The following GRM7 variants were observed in gnomAD, a reference collection of about 807,000 sequenced individuals.
GRM7 encodes the protein metabotropic glutamate receptor 7.
A neutral mutation model predicts 84.5 loss-of-function variants in GRM7; 35 were observed. That is an observed-to-expected ratio of 0.41 (90% CI 0.32 to 0.55). The LOEUF (loss-of-function observed/expected upper bound fraction) is 0.55. GRM7 is among the 20% of genes least tolerant of loss of function. The pLI, the probability that GRM7 is intolerant of heterozygous loss-of-function variation, is 0.19. For missense variants in GRM7, 1,003 were observed against 1,194.6 expected (o/e 0.84, Z 2.36); for synonymous variants, 487 against 455.1 (o/e 1.07, Z -0.89).
At chr3:7,240,400 A>G (rs187422945) in intron 2 of GRM7, among the ~76,000 whole-genome samples, 13 of 151,848 alleles carry the variant, frequency 8.6e-5, no homozygotes, top group Admixed American at 5.9e-4. Context: ...AAACATGTCT[A>G]TTGGGCATAA....
chr3:6,960,797 T>C (rs1693268056), intron 1 of GRM7, among the ~76,000 whole-genome samples: 1 of 152,158 alleles, frequency 6.6e-6, no homozygotes, highest in Admixed American at 6.5e-5. Flanking sequence ...CTTTTTCTGC[T>C]CCTTCTACCT....
intron 9 of GRM7, among the ~76,000 whole-genome samples, chr3:7,726,776 T>C (rs1283496158): frequency 6.7e-6 from 1 of 149,860 alleles, no homozygotes; most frequent in Non-Finnish European, 1.5e-5. Flanking sequence ...AAAACCTCAA[T>C]ATCATTTCTC....
At chr3:6,948,304 T>C (rs934887498) in intron 1 of GRM7, among the ~76,000 whole-genome samples, 91 of 152,296 alleles carry the variant, frequency 6.0e-4, no homozygotes, top group African/African-American at 2.1e-3. Flanking sequence ...GCCTTCATTT[T>C]GTTATGTACC....
intron 8 of GRM7, among the ~76,000 whole-genome samples, chr3:7,583,738 C>T (rs1352766697): frequency 6.6e-6 from 1 of 152,192 alleles, no homozygotes; most frequent in Non-Finnish European, 1.5e-5. Flanking sequence ...TGCCATACAG[C>T]AAGGAGCAGC....
intron 7 of GRM7, among the ~76,000 whole-genome samples, chr3:7,567,047 A>G (rs1403782938): frequency 6.6e-6 from 1 of 152,206 alleles, no homozygotes; most frequent in Non-Finnish European, 1.5e-5. Context: ...TCCGTTCTTG[A>G]TGTATAATTT....
rs763847673 is a variant in GRM7 at position 7,579,117 on chromosome 3, A to G, written c.2211A>G (p.Thr737=). The G allele has an allele frequency of 6.2e-7, 1 of 1,613,940 alleles. No individual in the cohort carries two copies. Among genetic ancestry groups the G allele is most frequent in the South Asian group, 1.1e-5 (1 of 91,070 alleles). The part of the protein sequence containing the change: ...NIIIDYDEHK[T]MNPEQARGVL... ...TCATAGACTATGATGAACACAAGAC[A>G]ATGAACCCTGAGCAAGCCAGAGGGG... Residue 737 remains threonine (T), a synonymous_variant, in exon 8 of 10, where the codon ACA becomes ACG. Coordinates refer to ENST00000357716, the MANE Select transcript of GRM7 (RefSeq NM_000844.4).
chr3:7,525,268 TA>T lies in GRM7; in HGVS notation c.1516-53152del, dbSNP rs547681842. Reference sequence around the variant, plus strand: ...TACCCTAAAACTTAAAGTATAATAATAATAAAATAAAAAAATCTGTGGTACA... The same window carrying T: ...TACCCTAAAACTTAAAGTATAATAATATAAAATAAAAAAATCTGTGGTACA... On this transcript the variant is annotated intron_variant, in intron 7 of 9. Transcript: ENST00000357716. 1.7e-3 allele frequency among the ~76,000 whole-genome samples: 256 copies of T among 152,050 alleles called. 8 individuals carry two copies. The highest frequency in any genetic ancestry group is 0.016 in the Admixed American group (251 of 15,250).
chr3:7,668,843 T>C (rs1265265116), intron 8 of GRM7, among the ~76,000 whole-genome samples: 1 of 152,268 alleles, frequency 6.6e-6, no homozygotes, highest in East Asian at 1.9e-4. Context: ...TTGAACTTGT[T>C]TCTTGCTCCA....
chr3:6,961,892 C>G (rs1693313519), intron 1 of GRM7, among the ~76,000 whole-genome samples: 1 of 152,106 alleles, frequency 6.6e-6, no homozygotes, highest in African/African-American at 2.4e-5. Context: ...AAACATACTA[C>G]ACTACACCAT....
intron 1 of GRM7, among the ~76,000 whole-genome samples, chr3:7,078,373 T>C (rs185228493): frequency 6.6e-6 from 1 of 150,868 alleles, no homozygotes; most frequent in East Asian, 1.9e-4. Context: ...TTGCGTATCA[T>C]AGTTGGAGAA....
intron 8 of GRM7, among the ~76,000 whole-genome samples, chr3:7,583,990 G>A (rs75863828): frequency 7.2e-5 from 11 of 152,228 alleles, no homozygotes; most frequent in East Asian, 1.9e-4. Context: ...GATAGTTGTC[G>A]CACAAAGAAT....
intron 1 of GRM7, among the ~76,000 whole-genome samples, chr3:6,997,250 T>C (rs1275479365): frequency 6.6e-6 from 1 of 152,164 alleles, no homozygotes; most frequent in East Asian, 1.9e-4. Flanking sequence ...TCTAAAGTGA[T>C]AATTTATTTT....
chr3:7,001,256 A>G (rs1169595460), intron 1 of GRM7, among the ~76,000 whole-genome samples: 1 of 152,172 alleles, frequency 6.6e-6, no homozygotes, highest in Non-Finnish European at 1.5e-5. Flanking sequence ...AGGCTGAGGC[A>G]GGAGGACCAC....
intron 1 of GRM7, among the ~76,000 whole-genome samples, chr3:6,927,449 GAA>G (rs1697336880): frequency 3.2e-5 from 2 of 63,108 alleles, no homozygotes; most frequent in Admixed American, 3.5e-4. Flanking sequence ...AGAAAGAGAA[GAA>G]AGAAAGAGAG....
chr3:7,213,353 C>T (rs1014893912), intron 2 of GRM7, among the ~76,000 whole-genome samples: 1 of 152,078 alleles, frequency 6.6e-6, no homozygotes, highest in Admixed American at 6.6e-5. Context: ...TCATTTATCT[C>T]ATAATAAGAT....
intron 7 of GRM7, among the ~76,000 whole-genome samples, chr3:7,521,376 G>A (rs774608889): frequency 6.6e-6 from 1 of 152,188 alleles, no homozygotes; most frequent in African/African-American, 2.4e-5. Context: ...TAGAAGGTGA[G>A]GCCTTTGGCC....
intron 2 of GRM7, among the ~76,000 whole-genome samples, chr3:7,186,242 T>C (rs1202336604): frequency 6.6e-6 from 1 of 152,264 alleles, no homozygotes; most frequent in African/African-American, 2.4e-5. Context: ...CGTGTATTTT[T>C]TCTTTTGGTT....
At chr3:7,270,278 C>T (rs1011377927) in intron 2 of GRM7, among the ~76,000 whole-genome samples, 2 of 152,020 alleles carry the variant, frequency 1.3e-5, no homozygotes, top group Non-Finnish European at 2.9e-5. Context: ...TTAACACTTA[C>T]ATGTTTGATG....
intron 1 of GRM7, among the ~76,000 whole-genome samples, chr3:6,878,747 T>A (rs1032384505): frequency 3.3e-5 from 5 of 152,126 alleles, no homozygotes; most frequent in African/African-American, 9.7e-5. Context: ...GAAACTATAT[T>A]TTTCTTGAAT....
Sources: allele counts gnomAD v4.1 joint callset (sites outside exome capture counted in the v4.1 genomes callset), GRCh38; gene constraint gnomAD v4.1.1; transcripts MANE v1.5; gene names NCBI Gene and HGNC (gene_info 2026-07-23, HGNC 2026-07-21).